ZNF736: variants seen among roughly 807,000 people sequenced by gnomAD.
ZNF736 encodes the protein zinc finger protein 736, also known as KRAB-containing zinc-finger repressor protein.
Under a neutral mutation model 11.7 loss-of-function variants are expected in ZNF736, and 6 were observed. The ratio of observed to expected loss-of-function variants is 0.51; its 90% CI spans 0.28 to 1.01. ZNF736 has a LOEUF of 1.01. Among genes scored for constraint, ZNF736 ranks in the 50% least tolerant of loss-of-function variants. The pLI is 0.09. For missense variants in ZNF736, 444 were observed against 496.0 expected (o/e 0.90, Z 1.00); for synonymous variants, 139 against 164.7 (o/e 0.84, Z 1.19).
rs1308726528 is a variant in ZNF736, at chr7:64,348,262, T to C, written c.399T>C (p.Leu133=). The change falls in exon 4 of 4, where the codon CTT becomes CTC. Residue 133 remains leucine (L), a synonymous_variant. Transcript: ENST00000423484. ...CKGQKSSYNG[L]HQCLSATHSK... is the part of the protein sequence containing the mutation. ...GGCAGAAAAGCAGTTATAATGGCCT[T>C]CATCAATGTTTGTCAGCTACCCATA... 1.7e-5 allele frequency: 26 copies of C among 1,552,010 alleles called. No individual in the cohort carries two copies. Among genetic ancestry groups the C allele is most frequent in the Non-Finnish European group, 2.2e-5 (25 of 1,146,930 alleles).
chr7:64,321,379 C>G (rs1260900771), intron 1 of ZNF736, among the ~76,000 whole-genome samples: 1 of 152,062 alleles, frequency 6.6e-6, no homozygotes, highest in Admixed American at 6.5e-5. Context: ...CCCAAAAAGT[C>G]AAGTTCAAAT....
At chr7:64,323,908 A>G (rs1236949608) in intron 1 of ZNF736, among the ~76,000 whole-genome samples, 1 of 152,202 alleles carries the variant, frequency 6.6e-6, no homozygotes, top group Non-Finnish European at 1.5e-5. Context: ...TAAAAAAGTA[A>G]AAAAATAAAT....
rs1205014846 is a variant in ZNF736 at position 64,349,842 on chromosome 7, T to C, written c.*695T>C. ...CTTACCTTGGTCAGATATGAAATTC[T>C]GTGTTGGAATTCTTTTTTTAAGAAT... On this transcript the variant is annotated 3_prime_UTR_variant, in exon 4 of 4. Coordinates refer to ENST00000423484, the MANE Select transcript of ZNF736 (RefSeq NM_001170905.3). 6.6e-6 allele frequency: 1 copy of C among 152,298 alleles called. No homozygotes were observed. The highest frequency in any genetic ancestry group is 6.5e-5 in the Admixed American group (1 of 15,292). 9.4% of individuals were successfully genotyped at this position (152,298 alleles called of 1,614,324 possible).
chr7:64,336,321 C>T lies in ZNF736; in HGVS notation c.66C>T (p.Asp22=). 2 of 1,613,784 alleles carry T rather than the reference C, an allele frequency of 1.2e-6. No individual in the cohort carries two copies. The highest frequency in any genetic ancestry group is 1.7e-6 in the Non-Finnish European group (2 of 1,179,846). ...EFSPEEWECL[D]SAQQRLYRDV... ...CCCCAGAAGAGTGGGAATGCCTGGA[C>T]TCTGCTCAGCAGCGTTTGTATAGGG... Residue 22 remains aspartate (D), a synonymous_variant, in exon 2 of 4, where the codon GAC becomes GAT. Coordinates refer to ENST00000423484, the MANE Select transcript of ZNF736 (RefSeq NM_001170905.3).
Position 64,355,917 on chromosome 7 carries a change from C to T in ZNF736, c.*6770C>T. On this transcript the variant is annotated 3_prime_UTR_variant, in exon 4 of 4. Transcript: ENST00000423484. ...TCAAGATTGTCTTCTTAGGACCTGG[C>T]AGGATCAGCCTTCAGTTCTGGGTTG... 1 of 193,708 alleles carries T rather than the reference C, an allele frequency of 5.2e-6. No homozygotes were observed. The highest frequency in any genetic ancestry group is 4.7e-5 in the Admixed American group (1 of 21,254). 12.0% of individuals were successfully genotyped at this position (193,708 alleles called of 1,614,324 possible).
intron 1 of ZNF736, among the ~76,000 whole-genome samples, chr7:64,332,599 CCACAA>C (rs997007714): frequency 2.6e-5 from 4 of 152,084 alleles, no homozygotes; most frequent in Non-Finnish European, 5.9e-5. Flanking sequence ...ACCCATCTGA[CCACAA>C]ATTTACCCGG....
At chr7:64,337,998 G>T (rs1789284093) in intron 3 of ZNF736, among the ~76,000 whole-genome samples, 1 of 152,036 alleles carries the variant, frequency 6.6e-6, no homozygotes, top group African/African-American at 2.4e-5. Context: ...CAGGTGATCT[G>T]CCTGCCTTGG....
intron 1 of ZNF736, among the ~76,000 whole-genome samples, chr7:64,325,414 A>C (rs560818087): frequency 7.2e-5 from 11 of 152,312 alleles, no homozygotes; most frequent in Non-Finnish European, 1.5e-4. Flanking sequence ...TTGATTATTC[A>C]GATTATTTCA....
chr7:64,333,905 T>A (rs1247245583), intron 1 of ZNF736, among the ~76,000 whole-genome samples: 2 of 152,214 alleles, frequency 1.3e-5, no homozygotes, highest in Non-Finnish European at 2.9e-5. Flanking sequence ...ACTACAAGGC[T>A]ACAGTAACCA....
intron 1 of ZNF736, among the ~76,000 whole-genome samples, chr7:64,319,335 A>ATG (rs1462913613): frequency 0.026 from 973 of 36,950 alleles, 35 homozygotes; most frequent in Admixed American, 0.083. Context: ...GTGTATGTGT[A>ATG]TATATATATA....
intron 1 of ZNF736, among the ~76,000 whole-genome samples, chr7:64,317,249 C>T (rs1429342263): frequency 6.6e-6 from 1 of 152,024 alleles, no homozygotes. Flanking sequence ...TTTTTTTGAG[C>T]TGCAATGGAT....
chr7:64,339,977 G>T (rs1789314534), intron 3 of ZNF736, among the ~76,000 whole-genome samples: 1 of 152,142 alleles, frequency 6.6e-6, no homozygotes, highest in South Asian at 2.1e-4. Flanking sequence ...TCACATGGCT[G>T]TTTCTTGGTC....
intron 1 of ZNF736, among the ~76,000 whole-genome samples, chr7:64,331,130 C>T (rs1407730755): frequency 6.6e-6 from 1 of 152,148 alleles, no homozygotes; most frequent in South Asian, 2.1e-4. Context: ...AGGATTTGCC[C>T]AGGAGTTGCA....
At chr7:64,333,026 T>A (rs1159086015) in intron 1 of ZNF736, among the ~76,000 whole-genome samples, 1 of 152,172 alleles carries the variant, frequency 6.6e-6, no homozygotes, top group Admixed American at 6.5e-5. Context: ...GGTCCTGAGG[T>A]GACATACATC....
At chr7:64,315,016 T>G (rs1788892335) in intron 1 of ZNF736, among the ~76,000 whole-genome samples, 1 of 152,244 alleles carries the variant, frequency 6.6e-6, no homozygotes, top group South Asian at 2.1e-4. Context: ...GCACCATTCC[T>G]CTTGGTATTG....
At position 64,314,219 on chromosome 7, in the gene ZNF736, T is replaced by C. The variant is rs563475631; in HGVS notation, c.3+66T>C. 28 of 1,542,420 alleles carry C rather than the reference T, an allele frequency of 1.8e-5. No individual in the cohort carries two copies. The African/African-American group carries it at 3.7e-4, about 20-fold the overall frequency. ...CTGTTTGAATCCGGCCGGAACCGGC[T>C]GCGGTGGTATCTGGGCCTTCTCGCG... On this transcript the variant is annotated intron_variant, in intron 1 of 3. Transcript: ENST00000423484.
chr7:64,324,726 C>G (rs1490595424), intron 1 of ZNF736, among the ~76,000 whole-genome samples: 1 of 152,186 alleles, frequency 6.6e-6, no homozygotes, highest in East Asian at 1.9e-4. Flanking sequence ...TCTCATCTAC[C>G]TGCATAGACA....
Position 64,348,605 on chromosome 7 carries a change from A to C in ZNF736, c.742A>C (p.Lys248Gln). Residue 248 changes from lysine to glutamine, a missense_variant, in exon 4 of 4, where the codon AAG becomes CAG. Coordinates refer to ENST00000423484, the MANE Select transcript of ZNF736 (RefSeq NM_001170905.3). ...FTCSSTLVKH[K>Q]RNHTGDRPYK... Reference sequence around the variant, plus strand: ...CTGCTCCTCAACCCTTGTTAAACACAAGAGAAATCATACTGGAGACAGACC... The same window carrying C: ...CTGCTCCTCAACCCTTGTTAAACACCAGAGAAATCATACTGGAGACAGACC... 1 of 1,600,666 alleles carries C rather than the reference A, an allele frequency of 6.2e-7. No individual in the cohort carries two copies. The highest frequency in any genetic ancestry group is 8.5e-7 in the Non-Finnish European group (1 of 1,173,406).
chr7:64,344,184 C>T (rs1015287976), intron 3 of ZNF736, among the ~76,000 whole-genome samples: 1 of 152,134 alleles, frequency 6.6e-6, no homozygotes, highest in African/African-American at 2.4e-5. Context: ...CGCCTATAAT[C>T]CCAGCTCCTG....
Sources: allele counts gnomAD v4.1 joint callset (sites outside exome capture counted in the v4.1 genomes callset), GRCh38; gene constraint gnomAD v4.1.1; transcripts MANE v1.5; gene names NCBI Gene and HGNC (gene_info 2026-07-23, HGNC 2026-07-21).